PACS1: variants seen among roughly 807,000 people sequenced by gnomAD.
PACS1 encodes the protein phosphofurin acidic cluster sorting protein 1, also known as PACS-1.
PACS1 carries 24 observed loss-of-function variants against 115.0 expected under a neutral mutation model. The ratio of observed to expected loss-of-function variants is 0.21; its 90% confidence interval spans 0.15 to 0.29. The LOEUF is 0.29. PACS1 is among the 10% of genes least tolerant of loss of function. The pLI is 1.00. For synonymous variants in PACS1, 453 were observed against 504.5 expected, an observed-to-expected ratio of 0.90 and a Z score of 1.37; for missense variants, 838 against 1,251.2, an observed-to-expected ratio of 0.67 and a Z score of 4.98.
intron 1 of PACS1, among the ~76,000 whole-genome samples, chr11:66,111,730 A>G (rs1218903905): frequency 6.6e-6 from 1 of 151,900 alleles, no homozygotes; most frequent in African/African-American, 2.4e-5. Context: ...GCTCACTGCA[A>G]CCTCCACCTC....
intron 2 of PACS1, among the ~76,000 whole-genome samples, chr11:66,200,945 G>A (rs10896098): frequency 0.21 from 31,292 of 151,792 alleles, 3,317 homozygotes; most frequent in Middle Eastern, 0.28. Context: ...TTGAGGCCAG[G>A]TGTGGTGACT....
At chr11:66,174,665 A>G (rs1289084608) in intron 1 of PACS1, among the ~76,000 whole-genome samples, 2 of 152,236 alleles carry the variant, frequency 1.3e-5, no homozygotes, top group Admixed American at 1.3e-4. Flanking sequence ...TTTTGTATGC[A>G]GTATCCAGAA....
intron 11 of PACS1, among the ~76,000 whole-genome samples, chr11:66,229,278 A>G (rs890129293): frequency 6.6e-5 from 10 of 151,688 alleles, no homozygotes; most frequent in African/African-American, 2.2e-4. Context: ...ATGCACCTGT[A>G]CTTGGAAGGC....
intron 2 of PACS1, among the ~76,000 whole-genome samples, chr11:66,202,746 T>A (rs1213623144): frequency 0.26 from 5,131 of 19,568 alleles, 1,259 homozygotes; most frequent in South Asian, 0.36. Flanking sequence ...AAAAAAAATA[T>A]ATATATATAT....
At chr11:66,082,187 G>GTA (rs1748846531) in intron 1 of PACS1, among the ~76,000 whole-genome samples, 1 of 152,116 alleles carries the variant, frequency 6.6e-6, no homozygotes, top group Non-Finnish European at 1.5e-5. Flanking sequence ...GTGTAGACTG[G>GTA]TACATGGGGC....
chr11:66,240,701 C>T (rs1429379265), intron 21 of PACS1, among the ~76,000 whole-genome samples: 2 of 151,944 alleles, frequency 1.3e-5, no homozygotes, highest in Non-Finnish European at 1.5e-5. Context: ...CACCCCACAG[C>T]GGAAGGGTTT....
At chr11:66,160,816 C>T (rs1175790126) in intron 1 of PACS1, among the ~76,000 whole-genome samples, 1 of 151,970 alleles carries the variant, frequency 6.6e-6, no homozygotes, top group East Asian at 1.9e-4. Context: ...GCCACTGCAC[C>T]TGACCAAAAA....
chr11:66,141,424 C>T (rs1254071737), intron 1 of PACS1, among the ~76,000 whole-genome samples: 2 of 152,048 alleles, frequency 1.3e-5, no homozygotes, highest in Admixed American at 6.6e-5. Flanking sequence ...GATACCAAGG[C>T]GGGCGGATCA....
At chr11:66,157,640 T>G (rs1340868366) in intron 1 of PACS1, among the ~76,000 whole-genome samples, 1 of 152,158 alleles carries the variant, frequency 6.6e-6, no homozygotes, top group Non-Finnish European at 1.5e-5. Flanking sequence ...GTAGATCAAG[T>G]TGAAGTCTGC....
At chr11:66,220,522 A>G (rs1216089417) in intron 8 of PACS1, 109 bp from the exon 9 acceptor site, 8 of 1,008,966 alleles carry the variant, frequency 7.9e-6, no homozygotes, top group Admixed American at 6.2e-5. Flanking sequence ...AAGCTCTGGC[A>G]TGTCCCTTAA....
In PACS1 at chr11:66,111,543, G is replaced by A. The variant is rs368690823; in HGVS notation, c.356+40701G>A. Among the ~76,000 whole-genome samples, 93 of 152,252 alleles carry A rather than the reference G, an allele frequency of 6.1e-4. 1 individual carries two copies. The highest frequency in any genetic ancestry group is 2.1e-3 in the African/African-American group (88 of 41,544). The stretch of plus-strand genomic sequence containing the variant: ...CCTAACTCTTGATTCTCTCCACAAC[G>A]CCAAACCTGTTTTTCCTCTAATTGT... On this transcript the variant is annotated intron_variant, in intron 1 of 23. Transcript: ENST00000320580.
At chr11:66,189,553 G>A (rs532134524) in intron 1 of PACS1, among the ~76,000 whole-genome samples, 5 of 152,302 alleles carry the variant, frequency 3.3e-5, no homozygotes, top group East Asian at 1.9e-4. Context: ...TGCTTTTCCC[G>A]CTGCGCTGTG....
intron 1 of PACS1, among the ~76,000 whole-genome samples, chr11:66,180,632 C>T (rs755507472): frequency 3.9e-5 from 6 of 152,086 alleles, no homozygotes; most frequent in East Asian, 3.9e-4. Flanking sequence ...GAATTACAGG[C>T]GTGCGCCACC....
At chr11:66,121,115 T>A (rs1427127733) in intron 1 of PACS1, 2 of 454,380 alleles carry the variant, frequency 4.4e-6, no homozygotes, top group South Asian at 1.6e-5. Flanking sequence ...TTACTTTGTA[T>A]CTCTGTGTCA....
rs115813669 is a variant in PACS1 at position 66,230,809 on chromosome 11, G to T, written c.1495G>T (p.Val499Leu). Residue 499 changes from valine to leucine, a missense_variant, in exon 13 of 24, where the codon GTG (valine) becomes TTG (leucine). Physicochemically the swap from Val to Leu is conservative, Grantham distance 32 (BLOSUM62 1). Coordinates refer to ENST00000320580, the MANE Select transcript of PACS1 (RefSeq NM_018026.4). ...DLQGSASPSKVEGVHTPRQKR... is the reference protein window; with the variant it reads ...DLQGSASPSKLEGVHTPRQKR... ...CTTTTTCCACCTCCCTGGCAGCAAA[G>T]TGGAGGGGGTGCACACACCCCGGCA... 2.7e-4 allele frequency: 436 copies of T among 1,614,188 alleles called. 5 individuals carry two copies. In the East Asian group the frequency reaches 9.6e-3, roughly 36 times the overall value.
In PACS1 at chr11:66,216,792, T is replaced by C; in HGVS notation, c.978+17T>C. 6.2e-7 allele frequency: 1 copy of C among 1,603,902 alleles called. No individual in the cohort carries two copies. The highest frequency in any genetic ancestry group is 1.1e-5 in the South Asian group (1 of 90,800). ...ATCACAAGGGTGAGCCTCAAAGGTC[T>C]GGGGAGTGGTTGGCTAAGATTTTCA... is the stretch of plus-strand genomic sequence containing the variant. On this transcript the variant is annotated intron_variant, in intron 7 of 23. Transcript: ENST00000320580.
chr11:66,221,304 G>A (rs532804084), intron 10 of PACS1, 57 bp downstream of exon 10: 20 of 1,421,412 alleles, frequency 1.4e-5, no homozygotes, highest in South Asian at 1.1e-4. Flanking sequence ...AGGGCTCGAC[G>A]CTCTGGCCCT....
intron 4 of PACS1, among the ~76,000 whole-genome samples, chr11:66,214,519 TTTCCTTTCC>T (rs1407538087): frequency 6.1e-4 from 92 of 152,010 alleles, no homozygotes; most frequent in African/African-American, 2.1e-3. Flanking sequence ...TCTTCCTTTC[TTTCCTTTCC>T]TTCCTTTCCT....
intron 1 of PACS1, among the ~76,000 whole-genome samples, chr11:66,115,822 A>G (rs772239241): frequency 9.9e-5 from 15 of 152,018 alleles, no homozygotes; most frequent in Non-Finnish European, 1.8e-4. Flanking sequence ...TTCCTTTTCA[A>G]TTTGTTACAA....
Sources: gnomAD v4.1 joint callset for allele counts (sites outside exome capture counted in the v4.1 genomes callset) on GRCh38, gnomAD v4.1.1 for gene constraint, MANE v1.5 for transcripts, NCBI Gene and HGNC (gene_info 2026-07-23, HGNC 2026-07-21) for gene names.